DOCK2: variants seen among roughly 807,000 people sequenced by gnomAD.
DOCK2 encodes dedicator of cytokinesis protein 2.
A neutral mutation model predicts 248.9 loss-of-function variants in DOCK2; 87 were observed. The ratio of observed to expected loss-of-function variants is 0.35; its 90% confidence interval spans 0.29 to 0.42. DOCK2 has a LOEUF of 0.42. DOCK2 is among the 10% of genes least tolerant of loss of function. DOCK2 has a pLI of 1.00. For synonymous variants in DOCK2, 805 were observed against 821.6 expected (o/e 0.98, Z 0.35); for missense variants, 1,747 against 2,300.2 (o/e 0.76, Z 4.92).
chr5:169,810,499 C>A (rs1767672063), intron 26 of DOCK2, among the ~76,000 whole-genome samples: 1 of 152,158 alleles, frequency 6.6e-6, no homozygotes, highest in African/African-American at 2.4e-5. Flanking sequence ...CGCAGCAAAG[C>A]AGTTGGTTAT....
At chr5:169,804,525 C>T (rs1240080071) in intron 26 of DOCK2, among the ~76,000 whole-genome samples, 1 of 147,518 alleles carries the variant, frequency 6.8e-6, no homozygotes, top group Non-Finnish European at 1.5e-5. Context: ...TCAAGGAAGC[C>T]TACACAAAGG....
chr5:169,906,890 G>A (rs1774311106), intron 27 of DOCK2, among the ~76,000 whole-genome samples: 1 of 152,152 alleles, frequency 6.6e-6, no homozygotes, highest in African/African-American at 2.4e-5. Context: ...CATGAGGCTG[G>A]TGCTGATGGT....
chr5:169,693,239 G>A lies in DOCK2; in HGVS notation c.844-2564G>A, dbSNP rs371551299. ...TGTAGAGGAGGAAGAGGCAAGCATT[G>A]GAGGGGAAGTGTGGGAGCAGGGTGG... On this transcript the variant is annotated intron_variant, in intron 9 of 51. Coordinates refer to ENST00000520908, the MANE Select transcript of DOCK2 (RefSeq NM_004946.3). Among the ~76,000 whole-genome samples the A allele has an allele frequency of 1.1e-4, 16 of 152,328 alleles. No homozygotes were observed. In the South Asian group the frequency reaches 2.3e-3, roughly 22 times the overall value.
At chr5:169,877,614 G>A (rs1249233861) in intron 27 of DOCK2, among the ~76,000 whole-genome samples, 1 of 152,140 alleles carries the variant, frequency 6.6e-6, no homozygotes, top group African/African-American at 2.4e-5. Flanking sequence ...GTTGCCTTGG[G>A]ATATGAAGTG....
intron 23 of DOCK2, among the ~76,000 whole-genome samples, chr5:169,755,685 A>G (rs1371677645): frequency 6.6e-6 from 1 of 152,212 alleles, no homozygotes; most frequent in African/African-American, 2.4e-5. Flanking sequence ...TGGAGGTTAC[A>G]GTGAGCAGAG....
At chr5:169,788,721 ATAAC>A (rs1766141378) in intron 25 of DOCK2, among the ~76,000 whole-genome samples, 1 of 152,228 alleles carries the variant, frequency 6.6e-6, no homozygotes, top group South Asian at 2.1e-4. Context: ...AGAAATACTT[ATAAC>A]TAATAATAAA....
chr5:169,774,257 G>A (rs1561682624), intron 25 of DOCK2, among the ~76,000 whole-genome samples: 2 of 152,062 alleles, frequency 1.3e-5, no homozygotes, highest in Non-Finnish European at 2.9e-5. Context: ...CTGTACTGTG[G>A]GGACTATTAA....
At chr5:169,645,425 C>T (rs1757405305) in intron 1 of DOCK2, among the ~76,000 whole-genome samples, 1 of 152,142 alleles carries the variant, frequency 6.6e-6, no homozygotes, top group African/African-American at 2.4e-5. Flanking sequence ...TGTCTTCTTT[C>T]TAGAAGTGTC....
rs774977106 is a variant in DOCK2 at position 169,714,272 on chromosome 5, G to T, written c.1843+61G>T. The stretch of plus-strand genomic sequence containing the variant: ...TGTGTGTGTCCGTGTGTGTGTACAT[G>T]TGTGTATGTGCTTGCAGACCCAAGG... On this transcript the variant is annotated intron_variant, in intron 18 of 51. Transcript: ENST00000520908. 7.4e-4 allele frequency: 1,197 copies of T among 1,608,446 alleles called. 3 individuals are homozygous for T. The highest frequency in any genetic ancestry group is 8.9e-4 in the Non-Finnish European group (1,049 of 1,176,354).
intron 36 of DOCK2, among the ~76,000 whole-genome samples, chr5:170,037,908 C>G (rs1373699074): frequency 2.6e-5 from 4 of 152,194 alleles, no homozygotes; most frequent in African/African-American, 9.6e-5. Context: ...CACATTCTGT[C>G]AGAGGGCAGA....
chr5:169,719,821 A>G (rs371856), intron 22 of DOCK2, among the ~76,000 whole-genome samples: 90,761 of 151,866 alleles, frequency 0.6, 27,365 homozygotes, highest in East Asian at 0.76. Flanking sequence ...CTGGAGTCAT[A>G]GCCAGGTCAG....
intron 27 of DOCK2, among the ~76,000 whole-genome samples, chr5:169,845,744 T>C (rs965902242): frequency 1.3e-5 from 2 of 152,202 alleles, no homozygotes; most frequent in Non-Finnish European, 2.9e-5. Flanking sequence ...TTAGTCTCAA[T>C]GACTTTGGAG....
chr5:169,811,641 C>T (rs2113186363), intron 26 of DOCK2, among the ~76,000 whole-genome samples: 1 of 152,322 alleles, frequency 6.6e-6, no homozygotes, highest in South Asian at 2.1e-4. Flanking sequence ...TGACTGTATA[C>T]CACACACTTC....
intron 7 of DOCK2, 46 bp downstream of exon 7, chr5:169,681,925 G>A (rs1235109671): frequency 6.2e-7 from 1 of 1,604,390 alleles, no homozygotes; most frequent in South Asian, 1.1e-5. Flanking sequence ...CAATCATTTA[G>A]CACATCATAA....
At chr5:170,035,819 G>A (rs1205323380) in intron 35 of DOCK2, among the ~76,000 whole-genome samples, 1 of 152,178 alleles carries the variant, frequency 6.6e-6, no homozygotes, top group Non-Finnish European at 1.5e-5. Flanking sequence ...GCACGTGGGT[G>A]TGCTGCATTA....
rs536338800 is a variant in DOCK2 at position 169,892,342 on chromosome 5, C to T, written c.2799+51490C>T. On this transcript the variant is annotated intron_variant, in intron 27 of 51. Coordinates refer to ENST00000520908, the MANE Select transcript of DOCK2 (RefSeq NM_004946.3). ...CAAACTTGCTGGTGTGTATCCCCTA[C>T]ACCCGCACAGCTTCTAGCATGGAGC... Among the ~76,000 whole-genome samples, 155 of 152,364 alleles carry T rather than the reference C, an allele frequency of 1.0e-3. 1 individual carries two copies. The highest frequency in any genetic ancestry group is 3.4e-3 in the Middle Eastern group (1 of 294).
chr5:169,923,708 A>G (rs1775296824), intron 27 of DOCK2, among the ~76,000 whole-genome samples: 1 of 152,246 alleles, frequency 6.6e-6, no homozygotes, highest in Non-Finnish European at 1.5e-5. Context: ...CATGTATTTT[A>G]TAAGTTTTAA....
chr5:169,766,432 A>C (rs1323908966), intron 25 of DOCK2, among the ~76,000 whole-genome samples: 2 of 152,196 alleles, frequency 1.3e-5, no homozygotes, highest in African/African-American at 4.8e-5. Context: ...GTAGTATTTC[A>C]TCATGTATAT....
rs941322673 is a variant in DOCK2, at chr5:169,759,642, C to G, written c.2377-63C>G. 3.8e-6 allele frequency: 6 copies of G among 1,568,766 alleles called. No homozygotes were observed. In the African/African-American group the frequency reaches 8.1e-5, roughly 21 times the overall value. On this transcript the variant is annotated intron_variant, in intron 23 of 51. Coordinates refer to ENST00000520908, the MANE Select transcript of DOCK2 (RefSeq NM_004946.3). ...GATCTGTGTCATGCTGCAAAGTACC[C>G]TCTTTGCCAGCACAGACTTGTTGAT...
Sources: allele counts gnomAD v4.1 joint callset (sites outside exome capture counted in the v4.1 genomes callset), GRCh38; gene constraint gnomAD v4.1.1; transcripts MANE v1.5; gene names NCBI Gene and HGNC (gene_info 2026-07-23, HGNC 2026-07-21).